MKS1: variants seen among roughly 807,000 people sequenced by gnomAD.
MKS1 encodes the protein MKS transition zone complex subunit 1.
A neutral mutation model predicts 83.7 loss-of-function variants in MKS1; 70 were observed. The ratio of observed to expected loss-of-function variants is 0.84; its 90% CI spans 0.69 to 1.02. MKS1 has a LOEUF of 1.02. MKS1 is among the 50% of genes least tolerant of loss of function. The probability of loss-of-function intolerance (pLI) is 0.00; values close to 1 mark genes in which losing one functional copy is unlikely to be tolerated. For missense variants in MKS1, 681 were observed against 726.9 expected (o/e 0.94, Z 0.73); for synonymous variants, 251 against 273.4 (o/e 0.92, Z 0.81).
chr17:58,216,065 T>C (rs1403798342), intron 4 of MKS1, 23 bp downstream of exon 4: 7 of 1,613,334 alleles, frequency 4.3e-6, no homozygotes, highest in Non-Finnish European at 5.9e-6. Flanking sequence ...ATGGAAGCTA[T>C]GAGACCCTAG....
intron 11 of MKS1, among the ~76,000 whole-genome samples, chr17:58,210,401 G>A (rs543662699): frequency 3.3e-5 from 5 of 152,266 alleles, no homozygotes; most frequent in East Asian, 1.9e-4. Flanking sequence ...GGCCACCAGC[G>A]AGATAGGAGA....
intron 5 of MKS1, among the ~76,000 whole-genome samples, 160 bp from the exon 6 acceptor site, chr17:58,214,547 C>G (rs1296621209): frequency 6.6e-6 from 1 of 152,170 alleles, no homozygotes; most frequent in East Asian, 1.9e-4. Flanking sequence ...CATCCCTTCC[C>G]TCTCTCTGAG....
intron 11 of MKS1, among the ~76,000 whole-genome samples, 165 bp from the exon 12 acceptor site, chr17:58,208,748 G>A (rs1171527321): frequency 6.6e-6 from 1 of 151,818 alleles, no homozygotes; most frequent in African/African-American, 2.4e-5. Flanking sequence ...TAATAGTGGA[G>A]AGAAGGTCAG....
At chr17:58,213,385 G>T (rs1435951700) in intron 7 of MKS1, among the ~76,000 whole-genome samples, 1 of 152,134 alleles carries the variant, frequency 6.6e-6, no homozygotes, top group Non-Finnish European at 1.5e-5. Context: ...TGGACAGGTT[G>T]GGCCAGATAA....
chr17:58,214,967 T>C (rs1169072250), intron 4 of MKS1, 129 bp from the exon 5 acceptor site: 1 of 1,433,188 alleles, frequency 7.0e-7, no homozygotes, highest in Non-Finnish European at 9.4e-7. Context: ...CACCTCACAA[T>C]TATACATGCT....
At position 58,207,467 on chromosome 17, in the gene MKS1, CA is replaced by C. The variant is rs550892811; in HGVS notation, c.1274-250del. 9.4e-5 allele frequency: 55 copies of C among 583,772 alleles called. No homozygotes were observed. In the South Asian group the frequency reaches 1.1e-3, roughly 12 times the overall value. 36.2% of individuals were successfully genotyped at this position (583,772 alleles called of 1,614,324 possible). The stretch of plus-strand genomic sequence containing the variant: ...CAGGTTTCTTAACCTCTCTGAAGCT[CA>C]TTCTCCTCATCTAGTAAAATGGAAA... On this transcript the variant is annotated intron_variant, in intron 14 of 17. Transcript: ENST00000393119.
chr17:58,208,303 G>A (rs1334664989), intron 12 of MKS1, 129 bp from the exon 13 acceptor site: 1 of 972,900 alleles, frequency 1.0e-6, no homozygotes, highest in South Asian at 1.4e-5. Context: ...AGGAGTCTGA[G>A]ATGCAAAAGG....
At chr17:58,218,273 C>G (rs1451489734) in intron 2 of MKS1, among the ~76,000 whole-genome samples, 1 of 151,692 alleles carries the variant, frequency 6.6e-6, no homozygotes, top group Non-Finnish European at 1.5e-5. Flanking sequence ...ACGGTGAAAC[C>G]CCGCCTCTAC....
At chr17:58,218,973 G>T (rs1431693866) in intron 1 of MKS1, among the ~76,000 whole-genome samples, 178 bp downstream of exon 1, 3 of 152,176 alleles carry the variant, frequency 2.0e-5, no homozygotes, top group African/African-American at 7.2e-5. Context: ...GGGTAGGTCT[G>T]TAAGGGGTTC....
chr17:58,218,930 G>T, intron 1 of MKS1: 1 of 854,010 alleles, frequency 1.2e-6, no homozygotes, highest in Admixed American at 2.1e-5. Context: ...AGGGCTTTGA[G>T]AAACTGGGAG....
At chr17:58,206,951 G>C in intron 15 of MKS1, 134 bp downstream of exon 15, 8 of 1,327,916 alleles carry the variant, frequency 6.0e-6, no homozygotes, top group Non-Finnish European at 8.6e-6. Context: ...ATGACTTCCA[G>C]CTTAAGCCAC....
intron 10 of MKS1, 125 bp from the exon 11 acceptor site, chr17:58,210,849 C>T (rs541731127): frequency 6.9e-4 from 995 of 1,447,412 alleles, no homozygotes; most frequent in Middle Eastern, 2.2e-3. Flanking sequence ...CTCTGCGTTT[C>T]CAGGAAAGAC....
intron 2 of MKS1, among the ~76,000 whole-genome samples, chr17:58,217,290 G>A (rs887300424): frequency 2.0e-5 from 3 of 152,180 alleles, no homozygotes; most frequent in South Asian, 2.1e-4. Flanking sequence ...CGCTCAGCCC[G>A]CTCCAGGAAA....
chr17:58,213,000 T>G lies in MKS1; in HGVS notation c.840A>C (p.Glu280Asp), dbSNP rs1406421081. Residue 280 changes from glutamate (E) to aspartate (D), a missense_variant, in exon 8 of 18, where the codon GAA becomes GAC. Transcript: ENST00000393119. ...CGCTTACATCCTTGAACACTCGCCG[T>G]TCCCGCTCCTCCTCCTCCGGCTGTG... ...PHAQPEEEER[E>D]RRVFKDLYGR... 2 of 1,613,978 alleles carry G rather than the reference T, an allele frequency of 1.2e-6. No individual in the cohort carries two copies. The highest frequency in any genetic ancestry group is 2.7e-5 in the African/African-American group (2 of 74,902).
At chr17:58,218,834 G>T in intron 1 of MKS1, 105 bp from the exon 2 acceptor site, 2 of 1,066,454 alleles carry the variant, frequency 1.9e-6, no homozygotes, top group Non-Finnish European at 2.8e-6. Context: ...TTGCCAAGGT[G>T]TGCTGGGTGC....
intron 2 of MKS1, 85 bp from the exon 3 acceptor site, chr17:58,216,821 ATTC>A: frequency 1.4e-6 from 2 of 1,396,976 alleles, no homozygotes; most frequent in East Asian, 4.6e-5. Context: ...CAAAGTCCCT[ATTC>A]TTATATTTGC....
intron 9 of MKS1, 100 bp from the exon 10 acceptor site, chr17:58,211,122 G>A (rs1253027931): frequency 4.1e-6 from 5 of 1,213,532 alleles, no homozygotes; most frequent in Non-Finnish European, 6.1e-6. Flanking sequence ...TGCCACTAGG[G>A]GTCAGGCCCT....
chr17:58,218,662 C>T lies in MKS1; in HGVS notation c.148G>A (p.Asp50Asn), dbSNP rs776363123. 2.5e-6 allele frequency: 4 copies of T among 1,613,790 alleles called. No homozygotes were observed. The Admixed American group carries it at 6.7e-5, about 27-fold the overall frequency. ...HYQPAAELGK[D>N]LIDLATFRPQ... is the part of the protein sequence containing the mutation. The stretch of plus-strand genomic sequence containing the variant: ...CTAAAAGTGGCCAAGTCTATGAGGT[C>T]CTTCCCGAGCTCGGCAGCAGGCTGA... Residue 50 changes from aspartate (D) to asparagine (N), a missense_variant, in exon 2 of 18, where the codon GAC becomes AAC. Around this residue, in one of 3 missense-constraint regions of MKS1, gnomAD observed 365 missense variants for 383.8 expected, o/e 0.95. Coordinates refer to ENST00000393119, the MANE Select transcript of MKS1 (RefSeq NM_017777.4).
chr17:58,210,704 A>G lies in MKS1; in HGVS notation c.979T>C (p.Tyr327His). The change falls in exon 11 of 18, where the codon TAT (tyrosine) becomes CAT (histidine). Residue 327 changes from tyrosine (Y) to histidine (H), a missense_variant. By Grantham distance (83) the Tyr-to-His change is moderately conservative. This residue lies in a region of MKS1 where 310 missense variants were observed against 321.7 expected (regional missense o/e 0.96). Transcript: ENST00000393119. Reference sequence around the variant, plus strand: ...AAGAAGTGGACGTAGAGATTGTCATACTCATAGCCTTGGGCTGAAACTACG... The same window carrying G: ...AAGAAGTGGACGTAGAGATTGTCATGCTCATAGCCTTGGGCTGAAACTACG... ...GEVVSAQGYEYDNLYVHFFVE... is the reference protein window; with the variant it reads ...GEVVSAQGYEHDNLYVHFFVE... The G allele has an allele frequency of 6.2e-7, 1 of 1,614,150 alleles. No individual in the cohort carries two copies. Among genetic ancestry groups the G allele is most frequent in the South Asian group, 1.1e-5 (1 of 91,092 alleles).
Sources: allele counts gnomAD v4.1 joint callset (sites outside exome capture counted in the v4.1 genomes callset), GRCh38; gene constraint gnomAD v4.1.1; regional missense constraint gnomAD v4.1.1; transcripts MANE v1.5; gene names NCBI Gene and HGNC (gene_info 2026-07-23, HGNC 2026-07-21).